RPS6KA2: variants seen among roughly 807,000 people sequenced by gnomAD.
RPS6KA2 encodes ribosomal protein S6 kinase A2, also known as ribosomal protein S6 kinase alpha-2.
In RPS6KA2, 42 loss-of-function variants were observed where a neutral mutation model predicts 91.8. That is an observed-to-expected ratio of 0.46 (90% CI 0.36 to 0.59). The LOEUF is 0.59. RPS6KA2 is among the 20% of genes least tolerant of loss of function. The pLI is 0.00. For missense variants in RPS6KA2, 798 were observed against 978.5 expected (o/e 0.82, Z 2.46); for synonymous variants, 414 against 393.6 (o/e 1.05, Z -0.61).
intron 2 of RPS6KA2, among the ~76,000 whole-genome samples, chr6:166,734,611 A>G (rs1398454874): frequency 6.6e-6 from 1 of 152,160 alleles, no homozygotes; most frequent in African/African-American, 2.4e-5. Flanking sequence ...TAAGAAAGTC[A>G]ATGAATTTAA....
chr6:166,852,965 T>C lies in RPS6KA2; in HGVS notation c.123+5235A>G, dbSNP rs1583180387. On this transcript the variant is annotated intron_variant, in intron 2 of 21. Transcript: ENST00000503859. The surrounding 1 kb of genome is among the most constrained non-coding windows in gnomAD (Gnocchi z 4.1). ...CGCCCGGATACTTTCTATTCTGCTA[T>C]GAAAAACAGAGTAAAATTTGAGAGG... 1.3e-5 allele frequency among the ~76,000 whole-genome samples: 2 copies of C among 152,082 alleles called. No individual in the cohort carries two copies. Among genetic ancestry groups the C allele is most frequent in the African/African-American group, 4.8e-5 (2 of 41,388 alleles).
chr6:166,449,802 G>GA (rs1562500657), intron 13 of RPS6KA2, among the ~76,000 whole-genome samples: 1 of 110,464 alleles, frequency 9.1e-6, no homozygotes, highest in African/African-American at 3.2e-5. Flanking sequence ...GAGCCACCAC[G>GA]GGGACCACCA....
In RPS6KA2 at chr6:166,682,634, C is replaced by G. The variant is rs80104679; in HGVS notation, c.124-143850G>C. Among the ~76,000 whole-genome samples, 1,504 of 152,306 alleles carry G rather than the reference C, an allele frequency of 9.9e-3. 26 individuals are homozygous for G. Among genetic ancestry groups the G allele is most frequent in the East Asian group, 0.064 (333 of 5,180 alleles). ...AATAAGTGGAATCCCAAGAAGAAAA[C>G]TGGGTGGGAGTGTGGAGATAAACAC... On this transcript the variant is annotated intron_variant, in intron 2 of 21. Coordinates refer to the RPS6KA2 transcript ENST00000503859.
rs1302203576 is a variant in RPS6KA2, at chr6:166,534,818, G to A, written c.217-3505C>T. Among the ~76,000 whole-genome samples, 6 of 152,236 alleles carry A rather than the reference G, an allele frequency of 3.9e-5. No individual in the cohort carries two copies. The East Asian group carries it at 7.7e-4, about 20-fold the overall frequency. On this transcript the variant is annotated intron_variant, in intron 2 of 20. Coordinates refer to ENST00000265678, the MANE Select transcript of RPS6KA2 (RefSeq NM_021135.6). ...GCTTCTCTGTGGGGCCAGGTACTGC[G>A]AATTCCTGCAGCAGGTGCTGCCTGA...
At chr6:166,670,764 C>T (rs1405845737) in intron 2 of RPS6KA2, among the ~76,000 whole-genome samples, 2 of 152,208 alleles carry the variant, frequency 1.3e-5, no homozygotes, top group Non-Finnish European at 2.9e-5. Context: ...GGGAGTTTCT[C>T]TACTCTTAAG....
chr6:166,594,258 T>G (rs995747104), intron 1 of RPS6KA2, among the ~76,000 whole-genome samples: 1 of 152,194 alleles, frequency 6.6e-6, no homozygotes, highest in South Asian at 2.1e-4. Flanking sequence ...TATGTATACA[T>G]GAAGAAAGAA....
intron 1 of RPS6KA2, among the ~76,000 whole-genome samples, chr6:166,624,783 A>G (rs1448732896): frequency 1.3e-5 from 2 of 152,218 alleles, no homozygotes; most frequent in Non-Finnish European, 2.9e-5. Flanking sequence ...CACAAGTATC[A>G]AATAATAGAA....
chr6:166,461,502 G>A (rs564079142), intron 11 of RPS6KA2, among the ~76,000 whole-genome samples: 5 of 109,092 alleles, frequency 4.6e-5, no homozygotes, highest in African/African-American at 2.4e-4. Flanking sequence ...GAGAGGTGGA[G>A]AGAGAGAGAG....
At chr6:166,488,791 GC>G in intron 10 of RPS6KA2, 41 bp downstream of exon 10, 1 of 1,495,700 alleles carries the variant, frequency 6.7e-7, no homozygotes, top group Non-Finnish European at 9.3e-7. Context: ...GCGGGGCAGC[GC>G]CCTGCACGTT....
At chr6:166,686,245 C>T (rs1444174290) in intron 2 of RPS6KA2, among the ~76,000 whole-genome samples, 5 of 152,114 alleles carry the variant, frequency 3.3e-5, no homozygotes, top group Non-Finnish European at 4.4e-5. Flanking sequence ...GGGCACCAGG[C>T]ATGAGGATTT....
intron 2 of RPS6KA2, among the ~76,000 whole-genome samples, chr6:166,781,365 A>AC (rs1241851801): frequency 6.6e-6 from 1 of 152,022 alleles, no homozygotes; most frequent in African/African-American, 2.4e-5. Flanking sequence ...CTGTCCTCAC[A>AC]CCCCCTGGCG....
intron 2 of RPS6KA2, among the ~76,000 whole-genome samples, chr6:166,823,434 A>AGTGTGTGTGTGTGT (rs56187218): frequency 6.8e-6 from 1 of 147,986 alleles, no homozygotes; most frequent in Non-Finnish European, 1.5e-5. Flanking sequence ...TTGGTTTTGC[A>AGTGTGTGTGTGTGT]GTGTGTGTGT....
At chr6:166,650,410 G>A (rs968807997) in intron 2 of RPS6KA2, among the ~76,000 whole-genome samples, 2 of 151,810 alleles carry the variant, frequency 1.3e-5, no homozygotes, top group Middle Eastern at 3.2e-3. Context: ...CATGTTCACC[G>A]TCCTCTTTTC....
intron 2 of RPS6KA2, among the ~76,000 whole-genome samples, chr6:166,775,748 G>A (rs764977664): frequency 1.3e-5 from 2 of 152,232 alleles, no homozygotes; most frequent in South Asian, 4.1e-4. Flanking sequence ...TAGATAAAGC[G>A]CGGTGGAAAC....
intron 20 of RPS6KA2, among the ~76,000 whole-genome samples, chr6:166,413,483 A>G (rs77622283): frequency 0.011 from 1,732 of 152,280 alleles, 40 homozygotes; most frequent in African/African-American, 0.039. Flanking sequence ...TGCTGCCTGA[A>G]TGTAAGTCAC....
chr6:166,641,716 T>TCA, intron 2 of RPS6KA2, among the ~76,000 whole-genome samples: 6 of 18,810 alleles, frequency 3.2e-4, no homozygotes, highest in Non-Finnish European at 6.1e-4. Context: ...TGAGACTCTG[T>TCA]CACAAAAAAA....
At chr6:166,470,943 G>A (rs921255301) in intron 10 of RPS6KA2, among the ~76,000 whole-genome samples, 7 of 152,220 alleles carry the variant, frequency 4.6e-5, no homozygotes, top group African/African-American at 1.2e-4. Flanking sequence ...CCCGGGTCAC[G>A]AATCCGAGAA....
chr6:166,469,717 T>C (rs1048328766), intron 11 of RPS6KA2, 124 bp downstream of exon 11: 6 of 891,466 alleles, frequency 6.7e-6, no homozygotes, highest in Non-Finnish European at 1.1e-5. Context: ...AGGTGGCTTG[T>C]CTACATTCAC....
At position 166,852,027 on chromosome 6, in the gene RPS6KA2, T is replaced by G. The variant is rs1311652541; in HGVS notation, c.123+6173A>C. On this transcript the variant is annotated intron_variant, in intron 2 of 21. Coordinates refer to the RPS6KA2 transcript ENST00000503859. This position sits in a 1 kb window ranked among gnomAD's most constrained non-coding sequence, Gnocchi z 4.1. ...TAATGTTCCATGAAGCCAATGTTAT[T>G]CTCACCCGCTCCACAGTGCGTCTAA... Among the ~76,000 whole-genome samples, 1 of 152,246 alleles carries G rather than the reference T, an allele frequency of 6.6e-6. No individual in the cohort carries two copies. The highest frequency in any genetic ancestry group is 1.5e-5 in the Non-Finnish European group (1 of 68,048).
Sources: allele counts gnomAD v4.1 joint callset (sites outside exome capture counted in the v4.1 genomes callset), GRCh38; gene constraint gnomAD v4.1.1; non-coding constraint Gnocchi (gnomAD v3.1); transcripts MANE v1.5; gene names NCBI Gene and HGNC (gene_info 2026-07-23, HGNC 2026-07-21).